ADGRL2: variants seen among roughly 807,000 people sequenced by gnomAD.
ADGRL2 encodes the protein adhesion G protein-coupled receptor L2.
ADGRL2 carries 44 observed loss-of-function variants against 157.4 expected under a neutral mutation model. That is an observed-to-expected ratio of 0.28 (90% CI 0.22 to 0.36). ADGRL2 has a LOEUF of 0.36. ADGRL2 is among the 10% of genes least tolerant of loss of function. The pLI is 1.00. For missense variants in ADGRL2, 1,510 were observed against 1,768.9 expected, an observed-to-expected ratio of 0.85 and a Z score of 2.63; for synonymous variants, 585 against 624.7, an observed-to-expected ratio of 0.94 and a Z score of 0.95.
intron 3 of ADGRL2, among the ~76,000 whole-genome samples, chr1:81,581,234 A>G (rs868234087): frequency 6.6e-6 from 1 of 152,234 alleles, no homozygotes; most frequent in Non-Finnish European, 1.5e-5. Context: ...TCTTGAACAT[A>G]AGCAGGTATT....
intron 3 of ADGRL2, among the ~76,000 whole-genome samples, chr1:81,691,876 G>GTATATATATATATATATATA (rs1164948316): frequency 8.5e-5 from 7 of 82,256 alleles, no homozygotes; most frequent in African/African-American, 3.4e-4. Context: ...GGGTGTGTGT[G>GTATATATATATATATATATA]TGTGTATATA....
Position 81,381,558 on chromosome 1 carries a change from G to C in ADGRL2, c.-301-63478G>C, listed in dbSNP as rs140916039. 3.6e-3 allele frequency among the ~76,000 whole-genome samples: 545 copies of C among 152,142 alleles called. 3 individuals carry two copies. Among genetic ancestry groups the C allele is most frequent in the African/African-American group, 0.013 (523 of 41,492 alleles). ...ACTGCACTCCAGCCTTGGGGGCAGA[G>C]CAAGATTTTGTCTCAAAGGAAAAAA... On this transcript the variant is annotated intron_variant, in intron 1 of 24. Transcript: ENST00000370721.
At chr1:81,980,682 T>C (rs1015347719) in intron 18 of ADGRL2, 1 of 487,420 alleles carries the variant, frequency 2.1e-6, no homozygotes. Context: ...ATTAGATGTT[T>C]TAGATAGGTT....
Position 81,943,705 on chromosome 1 carries a change from C to T in ADGRL2, c.1146C>T (p.Tyr382=), listed in dbSNP as rs1318358784. 18 of 1,613,546 alleles carry T rather than the reference C, an allele frequency of 1.1e-5. No homozygotes were observed. Among genetic ancestry groups the T allele is most frequent in the East Asian group, 2.2e-5 (1 of 44,862 alleles). The change falls in exon 6 of 24, where the codon TAC becomes TAT. Residue 382 remains tyrosine, a synonymous_variant. Transcript: ENST00000686636. This position sits in a 1 kb window ranked among gnomAD's most constrained non-coding sequence, Gnocchi z 5.6. ...VDYNPRDNQL[Y]VWNNNFILRY... ...ACAATCCAAGAGATAACCAACTTTA[C>T]GTGTGGAACAATAACTTCATTTTAC... is the stretch of plus-strand genomic sequence containing the variant.
chr1:81,896,432 T>TTGAG (rs1323633225), intron 2 of ADGRL2, among the ~76,000 whole-genome samples: 1 of 152,212 alleles, frequency 6.6e-6, no homozygotes, highest in East Asian at 1.9e-4. Context: ...ATTTTCATAG[T>TTGAG]TGAGTCCCAC....
chr1:81,551,625 A>T (rs1421536112), intron 2 of ADGRL2, among the ~76,000 whole-genome samples: 1 of 152,184 alleles, frequency 6.6e-6, no homozygotes, highest in Non-Finnish European at 1.5e-5. Context: ...ACTTATGTAT[A>T]CATCATAAGT....
intron 1 of ADGRL2, among the ~76,000 whole-genome samples, chr1:81,330,257 T>C (rs2100689950): frequency 6.6e-6 from 1 of 152,286 alleles, no homozygotes; most frequent in South Asian, 2.1e-4. Context: ...TCTCAAATAC[T>C]GACCCAATGA....
chr1:81,778,317 G>A (rs1312036179), intron 2 of ADGRL2, among the ~76,000 whole-genome samples: 2 of 86,308 alleles, frequency 2.3e-5, no homozygotes, highest in African/African-American at 5.4e-5. Context: ...GCGAGACTCC[G>A]TCTCAAAAAA....
chr1:81,511,329 C>T (rs986029875), intron 2 of ADGRL2, among the ~76,000 whole-genome samples: 10 of 149,108 alleles, frequency 6.7e-5, no homozygotes, highest in Non-Finnish European at 1.5e-4. Flanking sequence ...TCCCTTGAGC[C>T]CAGGAGCTCC....
rs146613172 is a variant in ADGRL2 at position 81,939,287 on chromosome 1, A to T, written c.397+2450A>T. ...TGTCAAAAGTGTACATATACAGGGTATCCATTGTCATTGCCAGACTGTTAG... is the reference window on the plus strand; with the variant it reads ...TGTCAAAAGTGTACATATACAGGGTTTCCATTGTCATTGCCAGACTGTTAG... On this transcript the variant is annotated intron_variant, in intron 4 of 23. Coordinates refer to ENST00000686636, the MANE Select transcript of ADGRL2 (RefSeq NM_001366006.2). Among the ~76,000 whole-genome samples, 905 of 151,664 alleles carry T rather than the reference A, an allele frequency of 6.0e-3. 7 individuals are homozygous for T. The highest frequency in any genetic ancestry group is 0.021 in the African/African-American group (867 of 41,506).
intron 21 of ADGRL2, among the ~76,000 whole-genome samples, chr1:81,986,546 C>T (rs544872546): frequency 6.6e-6 from 1 of 152,078 alleles, no homozygotes; most frequent in South Asian, 2.1e-4. Flanking sequence ...TCAGTGGTTA[C>T]GTTTTTAATA....
At chr1:81,845,390 T>C (rs536294893) in intron 2 of ADGRL2, among the ~76,000 whole-genome samples, 90 of 152,174 alleles carry the variant, frequency 5.9e-4, no homozygotes, top group South Asian at 4.3e-3. Context: ...ACTGGAGATA[T>C]AGACATCTTT....
chr1:81,589,987 C>T (rs776774874), intron 3 of ADGRL2, among the ~76,000 whole-genome samples: 4 of 152,196 alleles, frequency 2.6e-5, no homozygotes, highest in Non-Finnish European at 5.9e-5. Flanking sequence ...CATACTCTAA[C>T]AAGCGGCCCA....
At chr1:81,654,968 T>C (rs933990928) in intron 3 of ADGRL2, among the ~76,000 whole-genome samples, 1 of 149,782 alleles carries the variant, frequency 6.7e-6, no homozygotes, top group Non-Finnish European at 1.5e-5. Flanking sequence ...TTTTGTTTTG[T>C]TTGAGATGGA....
At chr1:81,676,402 A>G (rs551256744) in intron 3 of ADGRL2, among the ~76,000 whole-genome samples, 2 of 152,104 alleles carry the variant, frequency 1.3e-5, no homozygotes, top group Non-Finnish European at 2.9e-5. Context: ...GGTTCAAGTG[A>G]TCCTACCACC....
At chr1:81,730,193 A>C (rs1172682335) in intron 1 of ADGRL2, among the ~76,000 whole-genome samples, 1 of 152,222 alleles carries the variant, frequency 6.6e-6, no homozygotes, top group East Asian at 1.9e-4. Context: ...TTTATTAAAC[A>C]CATATACAAT....
chr1:81,741,609 C>T (rs1005494057), intron 1 of ADGRL2, among the ~76,000 whole-genome samples: 7 of 151,964 alleles, frequency 4.6e-5, no homozygotes, highest in African/African-American at 1.4e-4. Flanking sequence ...GTAATAGCCC[C>T]TGACAGAATT....
intron 2 of ADGRL2, among the ~76,000 whole-genome samples, chr1:81,459,167 C>A (rs1031573863): frequency 6.6e-6 from 1 of 152,144 alleles, no homozygotes; most frequent in Non-Finnish European, 1.5e-5. Context: ...GGTTTAAAGG[C>A]AACAAGGAAG....
Position 81,920,875 on chromosome 1 carries a change from A to C in ADGRL2, c.287+13645A>C, listed in dbSNP as rs1043558982. On this transcript the variant is annotated intron_variant, in intron 3 of 23. Coordinates refer to ENST00000686636, the MANE Select transcript of ADGRL2 (RefSeq NM_001366006.2). ...AAAGGTTTTAAAGGAAAAAAAAAAC[A>C]AAAAAAAAGCCCAATTCAGGTCTAA... is the stretch of plus-strand genomic sequence containing the variant. Among the ~76,000 whole-genome samples, 4 of 147,554 alleles carry C rather than the reference A, an allele frequency of 2.7e-5. No individual in the cohort carries two copies. In the East Asian group the frequency reaches 5.9e-4, roughly 22 times the overall value.
Sources: allele counts gnomAD v4.1 joint callset (sites outside exome capture counted in the v4.1 genomes callset), GRCh38; gene constraint gnomAD v4.1.1; non-coding constraint Gnocchi (gnomAD v3.1); transcripts MANE v1.5; gene names NCBI Gene and HGNC (gene_info 2026-07-23, HGNC 2026-07-21).